Variants in VILL observed in about 807,000 individuals in gnomAD.
The protein encoded by VILL is villin like, also known as villin-like protein.
Under a neutral mutation model 106.3 loss-of-function variants are expected in VILL, and 102 were observed. The ratio of observed to expected loss-of-function variants is 0.96; its 90% CI spans 0.82 to 1.13. The LOEUF is 1.13. Among genes scored for constraint, VILL ranks in the 50% most tolerant of loss-of-function variants. The pLI is 0.00. For synonymous variants in VILL, 431 were observed against 440.3 expected (o/e 0.98, Z 0.27); for missense variants, 1,076 against 1,116.6 (o/e 0.96, Z 0.52).
rs765249257 is a variant in VILL, at chr3:37,997,607, G to A, written c.686G>A (p.Arg229His). The change falls in exon 7 of 20, where the codon CGC becomes CAC. Residue 229 changes from arginine (R) to histidine (H), a missense_variant. Arg to His is a conservative substitution (Grantham distance 29). Coordinates refer to ENST00000383759, the MANE Select transcript of VILL (RefSeq NM_015873.4). This position sits in a 1 kb window ranked among gnomAD's most constrained non-coding sequence, Gnocchi z 4.7. Reference protein sequence around the residue: ...LMQIMEAVLGRRVGSLRAATP... With the variant: ...LMQIMEAVLGHRVGSLRAATP... ...CAGATCATGGAGGCTGTGCTGGGCC[G>A]CAGGGTGGGCAGCCTGCGTGCCGCC... is the stretch of plus-strand genomic sequence containing the variant. 16 of 1,613,638 alleles carry A rather than the reference G, an allele frequency of 9.9e-6. No individual in the cohort carries two copies. The highest frequency in any genetic ancestry group is 1.6e-4 in the Middle Eastern group (1 of 6,062).
rs1168401810 is a variant in VILL at position 38,006,713 on chromosome 3, T to C, written c.2457+13T>C. ...TGCCCGCAGGGAGGTGGGCACCCCC[T>C]CACTGCCCCAGCACTAGTGCATCTG... On this transcript the variant is annotated intron_variant, in intron 19 of 19. Coordinates refer to ENST00000383759, the MANE Select transcript of VILL (RefSeq NM_015873.4). 2 of 1,592,888 alleles carry C rather than the reference T, an allele frequency of 1.3e-6. No homozygotes were observed. Among genetic ancestry groups the C allele is most frequent in the East Asian group, 2.2e-5 (1 of 44,584 alleles).
Position 38,006,463 on chromosome 3 carries a change from G to C in VILL, c.2220G>C (p.Leu740Phe), listed in dbSNP as rs9816693. The C allele has an allele frequency of 0.19, 297,122 of 1,601,904 alleles. 30,557 individuals are homozygous for C. Among genetic ancestry groups the C allele is most frequent in the African/African-American group, 0.4 (29,577 of 74,692 alleles). ...TCTCTGGACAGGAAGTCAACAACTT[G>C]CGGCTATCCAGATGGCCGGGCAATG... ...ISEITAEVNN[L>F]RLSRWPGNGR... The change falls in exon 19 of 20, where the codon TTG (leucine) becomes TTC (phenylalanine). Residue 740 changes from leucine to phenylalanine, a missense_variant. Coordinates refer to ENST00000383759, the MANE Select transcript of VILL (RefSeq NM_015873.4).
At position 37,998,582 on chromosome 3, in the gene VILL, C is replaced by T. The variant is rs897105158; in HGVS notation, c.942+218C>T. On this transcript the variant is annotated intron_variant, in intron 9 of 19. Coordinates refer to ENST00000383759, the MANE Select transcript of VILL (RefSeq NM_015873.4). The surrounding 1 kb of genome is among the most constrained non-coding windows in gnomAD (Gnocchi z 4.1). ...TGAGAAACCATGTGTAAAAGGGGCACGTGGCCCTGCCTTCAGGTCTGGGGC... is the reference window on the plus strand; with the variant it reads ...TGAGAAACCATGTGTAAAAGGGGCATGTGGCCCTGCCTTCAGGTCTGGGGC... Among the ~76,000 whole-genome samples the T allele has an allele frequency of 2.6e-5, 4 of 152,138 alleles. No homozygotes were observed. Among genetic ancestry groups the T allele is most frequent in the African/African-American group, 9.7e-5 (4 of 41,434 alleles).
Position 37,998,182 on chromosome 3 carries a change from G to A in VILL, c.843+14G>A. The stretch of plus-strand genomic sequence containing the variant: ...CTGCAGGAGGAGGTGAGGAAGGCCT[G>A]GCCCCAGCTACTTGCATCCTTCCCC... On this transcript the variant is annotated intron_variant, in intron 8 of 19. Coordinates refer to ENST00000383759, the MANE Select transcript of VILL (RefSeq NM_015873.4). This position sits in a 1 kb window ranked among gnomAD's most constrained non-coding sequence, Gnocchi z 4.1. 6.2e-7 allele frequency: 1 copy of A among 1,613,994 alleles called. No individual in the cohort carries two copies. The highest frequency in any genetic ancestry group is 1.3e-5 in the African/African-American group (1 of 75,026).
intron 4 of VILL, among the ~76,000 whole-genome samples, chr3:37,994,707 C>T (rs1239009934): frequency 1.3e-5 from 2 of 152,186 alleles, no homozygotes; most frequent in Admixed American, 6.5e-5. Context: ...TTTTCATCAC[C>T]CTAAAAAGAA....
chr3:38,002,528 ATCT>A lies in VILL; in HGVS notation c.1617_1619del (p.Phe539del), dbSNP rs773733435. The A allele has an allele frequency of 2.5e-6, 4 of 1,614,198 alleles. No individual in the cohort carries two copies. Among genetic ancestry groups the A allele is most frequent in the South Asian group, 2.2e-5 (2 of 91,086 alleles). ...TGCCTCATCCCTCAACTCCAGTGAC[ATCT>A]TCTTGCTGGTCACAGCCAGCGTCTG... On this transcript the variant is annotated inframe_deletion, in exon 14 of 20. Coordinates refer to ENST00000383759, the MANE Select transcript of VILL (RefSeq NM_015873.4).
At chr3:37,996,349 C>G (rs914474915) in intron 5 of VILL, among the ~76,000 whole-genome samples, 1 of 152,218 alleles carries the variant, frequency 6.6e-6, no homozygotes, top group Non-Finnish European at 1.5e-5. Flanking sequence ...ACTGTTATCC[C>G]CGGGTGCTCC....
At chr3:37,999,296 G>GT in intron 10 of VILL, 43 bp from the exon 11 acceptor site, 1 of 1,432,776 alleles carries the variant, frequency 7.0e-7, no homozygotes, top group South Asian at 1.4e-5. Context: ...TGGTGTTGGG[G>GT]GGGGGCAGAG....
chr3:38,002,748 A>C, intron 14 of VILL, 173 bp downstream of exon 14: 1 of 785,818 alleles, frequency 1.3e-6, no homozygotes, highest in Non-Finnish European at 1.9e-6. Flanking sequence ...GAAAGTTACA[A>C]AGTGACAGGT....
chr3:37,997,569 C>T lies in VILL; in HGVS notation c.648C>T (p.Ala216=). 2 of 1,614,096 alleles carry T rather than the reference C, an allele frequency of 1.2e-6. No homozygotes were observed. Among genetic ancestry groups the T allele is most frequent in the South Asian group, 1.1e-5 (1 of 91,084 alleles). ...GTGTGGTGGATGATGAGGCCAAAGCCCCGGACCTCATGCAGATCATGGAGG... is the reference window on the plus strand; with the variant it reads ...GTGTGGTGGATGATGAGGCCAAAGCTCCGGACCTCATGCAGATCATGGAGG... ...QIGVVDDEAK[A]PDLMQIMEAV... Residue 216 remains alanine, a synonymous_variant, in exon 7 of 20, where the codon GCC becomes GCT. Transcript: ENST00000383759. This position sits in a 1 kb window ranked among gnomAD's most constrained non-coding sequence, Gnocchi z 4.7.
At chr3:38,003,588 G>T (rs904469297) in intron 15 of VILL, 5 of 446,074 alleles carry the variant, frequency 1.1e-5, no homozygotes, top group African/African-American at 7.9e-5. Context: ...TGGGCCAGGG[G>T]ACAAAGCACC....
At position 38,006,442 on chromosome 3, in the gene VILL, T is replaced by C; in HGVS notation, c.2206-7T>C. 6.3e-7 allele frequency: 1 copy of C among 1,593,562 alleles called. No individual in the cohort carries two copies. The highest frequency in any genetic ancestry group is 8.6e-7 in the Non-Finnish European group (1 of 1,166,580). ...TCTTCCCCAGCCTGAGGCTCCTCTCTGGACAGGAAGTCAACAACTTGCGGC... is the reference window on the plus strand; with the variant it reads ...TCTTCCCCAGCCTGAGGCTCCTCTCCGGACAGGAAGTCAACAACTTGCGGC... On this transcript the variant is annotated splice_region_variant and splice_polypyrimidine_tract_variant and intron_variant, in intron 18 of 19. Coordinates refer to ENST00000383759, the MANE Select transcript of VILL (RefSeq NM_015873.4).
intron 2 of VILL, 79 bp downstream of exon 2, chr3:37,993,811 A>G: frequency 6.2e-7 from 1 of 1,607,592 alleles, no homozygotes; most frequent in Non-Finnish European, 8.5e-7. Flanking sequence ...TCCCGCCCCC[A>G]ACTCAGAGCG....
intron 1 of VILL, among the ~76,000 whole-genome samples, chr3:37,992,533 T>C (rs531328935): frequency 4.9e-4 from 74 of 152,292 alleles, no homozygotes; most frequent in African/African-American, 1.8e-3. Flanking sequence ...GAGTACCTGC[T>C]GGGGGCCGGG....
chr3:37,999,234 C>T, intron 10 of VILL, 105 bp from the exon 11 acceptor site: 1 of 1,025,406 alleles, frequency 9.8e-7, no homozygotes, highest in Non-Finnish European at 1.3e-6. Context: ...GCGGAGGACG[C>T]GGCGGGACCT....
In VILL at chr3:37,994,328, C is replaced by T. The variant is rs1197399678; in HGVS notation, c.203C>T (p.Ala68Val). 1 of 1,611,600 alleles carries T rather than the reference C, an allele frequency of 6.2e-7. No homozygotes were observed. Among genetic ancestry groups the T allele is most frequent in the African/African-American group, 1.3e-5 (1 of 75,068 alleles). ...CTGCACTACTGGGTCGGGAAGCAGG[C>T]GGGTGCGGAAGCGCAGGGCGCTGCG... ...SDLHYWVGKQ[A>V]GAEAQGAAEA... The change falls in exon 4 of 20, where the codon GCG becomes GTG. Residue 68 changes from alanine to valine, a missense_variant. Transcript: ENST00000383759.
chr3:38,007,109 CTGGGG>C lies in VILL; in HGVS notation c.*55_*59del. ...CCTGGACCCCAACATACCTACAATG[CTGGGG>C]AGGCCCTGCTTCCACTCCCCTCAGA... is the stretch of plus-strand genomic sequence containing the variant. On this transcript the variant is annotated 3_prime_UTR_variant, in exon 20 of 20. Coordinates refer to ENST00000383759, the MANE Select transcript of VILL (RefSeq NM_015873.4). The C allele has an allele frequency of 7.0e-7, 1 of 1,425,812 alleles. No homozygotes were observed. Among genetic ancestry groups the C allele is most frequent in the Non-Finnish European group, 9.8e-7 (1 of 1,015,924 alleles). 88.3% of individuals were successfully genotyped at this position (1,425,812 alleles called of 1,614,324 possible). A position where few individuals can be genotyped will look rare whatever the true frequency, so the allele number is the denominator to read the frequency against.
intron 15 of VILL, chr3:38,003,774 G>A (rs1453919086): frequency 2.1e-5 from 4 of 193,542 alleles, no homozygotes; most frequent in Admixed American, 1.6e-4. Context: ...GGCCTCAAGG[G>A]GAGGAGGGAG....
At chr3:37,996,783 CAT>C (rs1485148429) in intron 5 of VILL, among the ~76,000 whole-genome samples, 1 of 152,214 alleles carries the variant, frequency 6.6e-6, no homozygotes, top group East Asian at 1.9e-4. Context: ...CACTTCTTCA[CAT>C]GTGATGTCCC....
Sources: allele counts gnomAD v4.1 joint callset (sites outside exome capture counted in the v4.1 genomes callset), GRCh38; gene constraint gnomAD v4.1.1; non-coding constraint Gnocchi (gnomAD v3.1); transcripts MANE v1.5; gene names NCBI Gene and HGNC (gene_info 2026-07-23, HGNC 2026-07-21).